ROR2: variants seen among roughly 807,000 people sequenced by gnomAD.
ROR2 encodes ROR family WNT receptor 2, also known as tyrosine-protein kinase transmembrane receptor ROR2.
Under a neutral mutation model 74.9 loss-of-function variants are expected in ROR2, and 33 were observed. The ratio of observed to expected loss-of-function variants is 0.44; its 90% confidence interval spans 0.33 to 0.59. The LOEUF (loss-of-function observed/expected upper bound fraction) is 0.59. Among genes scored for constraint, ROR2 ranks in the 20% least tolerant of loss-of-function variants. The pLI, the probability that ROR2 is intolerant of heterozygous loss-of-function variation, is 0.02. For missense variants in ROR2, 1,216 were observed against 1,313.8 expected, an observed-to-expected ratio of 0.93 and a Z score of 1.15; for synonymous variants, 586 against 558.7, an observed-to-expected ratio of 1.05 and a Z score of -0.69.
intron 1 of ROR2, among the ~76,000 whole-genome samples, chr9:91,777,795 A>C (rs756575204): frequency 3.9e-5 from 6 of 152,222 alleles, no homozygotes; most frequent in Non-Finnish European, 5.9e-5. Context: ...AAATCATATA[A>C]TATGCAGTAT....
At chr9:91,868,280 T>G (rs1829699852) in intron 1 of ROR2, among the ~76,000 whole-genome samples, 1 of 151,742 alleles carries the variant, frequency 6.6e-6, no homozygotes, top group Admixed American at 6.6e-5. Context: ...GAAGTGTCAA[T>G]AAAAATTATA....
At chr9:91,937,933 G>T (rs1210433706) in intron 1 of ROR2, among the ~76,000 whole-genome samples, 2 of 152,086 alleles carry the variant, frequency 1.3e-5, no homozygotes, top group Non-Finnish European at 2.9e-5. Flanking sequence ...GCCCAGGCTG[G>T]TCTCCAACTC....
intron 1 of ROR2, among the ~76,000 whole-genome samples, chr9:91,824,145 T>G (rs1223791373): frequency 6.6e-6 from 1 of 152,232 alleles, no homozygotes; most frequent in African/African-American, 2.4e-5. Flanking sequence ...CAGGTAATCA[T>G]CACGACCAGG....
At chr9:91,912,095 T>C (rs1405376162) in intron 1 of ROR2, among the ~76,000 whole-genome samples, 3 of 152,196 alleles carry the variant, frequency 2.0e-5, no homozygotes, top group Non-Finnish European at 4.4e-5. Context: ...CTAAATGCAA[T>C]GTGGGATCCT....
chr9:91,799,605 C>T (rs945352072), intron 1 of ROR2, among the ~76,000 whole-genome samples: 9 of 152,206 alleles, frequency 5.9e-5, no homozygotes, highest in African/African-American at 2.2e-4. Context: ...CCTACCAGCC[C>T]TGAGCCAAGG....
At chr9:91,873,225 G>A (rs1401684504) in intron 1 of ROR2, among the ~76,000 whole-genome samples, 1 of 152,074 alleles carries the variant, frequency 6.6e-6, no homozygotes, top group East Asian at 1.9e-4. Flanking sequence ...CACTGCCTGT[G>A]TGCATCGGGC....
At chr9:91,831,739 C>T (rs1828470160) in intron 1 of ROR2, among the ~76,000 whole-genome samples, 1 of 152,062 alleles carries the variant, frequency 6.6e-6, no homozygotes, top group Non-Finnish European at 1.5e-5. Flanking sequence ...CGCTTGAACC[C>T]AGGAGGCGGA....
At chr9:91,787,442 C>T (rs1359068987) in intron 1 of ROR2, among the ~76,000 whole-genome samples, 1 of 152,130 alleles carries the variant, frequency 6.6e-6, no homozygotes, top group Non-Finnish European at 1.5e-5. Context: ...ACCCTGGAGG[C>T]TGCAGTGAGC....
intron 1 of ROR2, among the ~76,000 whole-genome samples, chr9:91,889,346 G>C (rs1564022329): frequency 6.6e-6 from 1 of 152,310 alleles, no homozygotes; most frequent in East Asian, 1.9e-4. Context: ...CCCTCAGGTG[G>C]ACACACTGTG....
chr9:91,901,077 C>T (rs73519172), intron 1 of ROR2, among the ~76,000 whole-genome samples: 7,903 of 152,286 alleles, frequency 0.052, 270 homozygotes, highest in African/African-American at 0.078. Flanking sequence ...CAGAATCCCC[C>T]TCCACTCCAC....
At chr9:91,730,798 T>TTAC in intron 7 of ROR2, 112 bp downstream of exon 7, 1 of 1,412,672 alleles carries the variant, frequency 7.1e-7, no homozygotes, top group Non-Finnish European at 9.8e-7. Flanking sequence ...ATCAGGGGTC[T>TTAC]CTGGTCGCCA....
intron 1 of ROR2, among the ~76,000 whole-genome samples, chr9:91,875,994 C>T (rs966829068): frequency 7.3e-5 from 11 of 151,516 alleles, no homozygotes; most frequent in Admixed American, 1.3e-4. Context: ...CAACTGAGCT[C>T]GGAGCAGACC....
chr9:91,932,770 C>G (rs1052813299), intron 1 of ROR2, among the ~76,000 whole-genome samples: 1 of 152,100 alleles, frequency 6.6e-6, no homozygotes, highest in Non-Finnish European at 1.5e-5. Flanking sequence ...CGCTTATTTG[C>G]CAGAAAAAAG....
intron 2 of ROR2, among the ~76,000 whole-genome samples, chr9:91,767,790 G>A (rs1826105131): frequency 6.6e-6 from 1 of 152,238 alleles, no homozygotes; most frequent in African/African-American, 2.4e-5. Context: ...GAAGCATGGG[G>A]ACTTGCGAGA....
Position 91,724,694 on chromosome 9 carries a change from C to T in ROR2, c.1800G>A (p.Ala600=), listed in dbSNP as rs368564192. ...PDFVHLVAQI[A]AGMEYLSSHH... The stretch of plus-strand genomic sequence containing the variant: ...GGCTGGATAGGTACTCCATCCCCGC[C>T]GCGATCTGTGCCACAAGGTGCACGA... Residue 600 remains alanine, a synonymous_variant, in exon 9 of 9, where the codon GCG becomes GCA. Coordinates refer to ENST00000375708, the MANE Select transcript of ROR2 (RefSeq NM_004560.4). The T allele has an allele frequency of 2.8e-5, 45 of 1,614,102 alleles. No individual in the cohort carries two copies. The highest frequency in any genetic ancestry group is 1.8e-4 in the East Asian group (8 of 44,890).
chr9:91,915,064 G>A (rs573753572), intron 1 of ROR2, among the ~76,000 whole-genome samples: 13 of 152,110 alleles, frequency 8.5e-5, no homozygotes, highest in Non-Finnish European at 1.8e-4. Context: ...TCATCATCCC[G>A]AGAACAGCAG....
At chr9:91,906,541 A>C (rs1390379144) in intron 1 of ROR2, among the ~76,000 whole-genome samples, 1 of 152,080 alleles carries the variant, frequency 6.6e-6, no homozygotes, top group Non-Finnish European at 1.5e-5. Context: ...CAATTCTCTG[A>C]CCTTCCAAGA....
chr9:91,794,043 T>C (rs1827093126), intron 1 of ROR2, among the ~76,000 whole-genome samples: 1 of 152,228 alleles, frequency 6.6e-6, no homozygotes, highest in Admixed American at 6.5e-5. Flanking sequence ...TTCCAGGCTA[T>C]CTGGAGGTGC....
At chr9:91,852,479 G>T (rs1829127097) in intron 1 of ROR2, among the ~76,000 whole-genome samples, 1 of 152,168 alleles carries the variant, frequency 6.6e-6, no homozygotes, top group South Asian at 2.1e-4. Context: ...AGATGGTGGA[G>T]GGAGCTGCAT....
Sources: allele counts gnomAD v4.1 joint callset (sites outside exome capture counted in the v4.1 genomes callset), GRCh38; gene constraint gnomAD v4.1.1; transcripts MANE v1.5; gene names NCBI Gene and HGNC (gene_info 2026-07-23, HGNC 2026-07-21).